Variants in CPQ observed in about 807,000 individuals in gnomAD.
CPQ encodes Ser-Met dipeptidase.
CPQ carries 37 observed loss-of-function variants against 45.7 expected under a neutral mutation model. That is an observed-to-expected ratio of 0.81 (90% CI 0.62 to 1.07). CPQ has a LOEUF of 1.07. CPQ is among the 50% of genes least tolerant of loss of function. The pLI, the probability that CPQ is intolerant of heterozygous loss-of-function variation, is 0.00. For synonymous variants in CPQ, 186 were observed against 205.8 expected (o/e 0.90, Z 0.82); for missense variants, 537 against 572.9 (o/e 0.94, Z 0.64).
intron 2 of CPQ, among the ~76,000 whole-genome samples, chr8:96,824,581 G>A (rs1811353120): frequency 6.6e-6 from 1 of 151,966 alleles, no homozygotes; most frequent in Admixed American, 6.6e-5. Flanking sequence ...TGACAAAATT[G>A]TATAGATAGA....
intron 1 of CPQ, among the ~76,000 whole-genome samples, chr8:96,782,202 C>T (rs1586398390): frequency 1.3e-5 from 2 of 152,220 alleles, no homozygotes; most frequent in South Asian, 2.1e-4. Flanking sequence ...CCTGGATCCC[C>T]AGGCTGTCTG....
At chr8:96,764,989 C>T (rs1489492789) in intron 1 of CPQ, among the ~76,000 whole-genome samples, 2 of 152,198 alleles carry the variant, frequency 1.3e-5, no homozygotes, top group African/African-American at 2.4e-5. Flanking sequence ...GTAAAACCAG[C>T]CTTTGCACCT....
chr8:97,004,114 T>C (rs1809335163), intron 5 of CPQ, among the ~76,000 whole-genome samples: 1 of 152,104 alleles, frequency 6.6e-6, no homozygotes, highest in South Asian at 2.1e-4. Flanking sequence ...AATGTGTAGA[T>C]AGAAAAATCA....
intron 3 of CPQ, among the ~76,000 whole-genome samples, chr8:96,870,608 G>C (rs553666507): frequency 6.6e-6 from 1 of 152,050 alleles, no homozygotes; most frequent in East Asian, 1.9e-4. Flanking sequence ...TAGCCTCTCT[G>C]TTTCAATTTT....
intron 1 of CPQ, among the ~76,000 whole-genome samples, chr8:96,684,487 C>T (rs115672661): frequency 0.024 from 3,680 of 152,116 alleles, 160 homozygotes; most frequent in African/African-American, 0.084. Context: ...GTGGCAGGTA[C>T]GGTTAGGACT....
intron 1 of CPQ, among the ~76,000 whole-genome samples, chr8:96,774,289 T>G (rs1386407108): frequency 6.6e-6 from 1 of 151,774 alleles, no homozygotes; most frequent in African/African-American, 2.4e-5. Context: ...AAAAAAAGTT[T>G]CAACATGAAT....
rs111300610 is a variant in CPQ, at chr8:96,793,881, C to T, written c.433+8551C>T. Among the ~76,000 whole-genome samples, 710 of 152,350 alleles carry T rather than the reference C, an allele frequency of 4.7e-3. 5 individuals are homozygous for T. Among genetic ancestry groups the T allele is most frequent in the African/African-American group, 0.016 (655 of 41,582 alleles). On this transcript the variant is annotated intron_variant, in intron 2 of 7. Transcript: ENST00000220763. ...CCAGCAGGGCAGCCAAATCTTAAAG[C>T]TTCAAAATGATCTCCTTTAACTCCA...
chr8:97,070,562 A>C (rs1563572277), intron 7 of CPQ, among the ~76,000 whole-genome samples: 1 of 152,292 alleles, frequency 6.6e-6, no homozygotes, highest in South Asian at 2.1e-4. Context: ...GAAGAAAATA[A>C]AGGATACTAA....
intron 7 of CPQ, among the ~76,000 whole-genome samples, chr8:97,072,216 G>C (rs2130538922): frequency 6.6e-6 from 1 of 152,244 alleles, no homozygotes; most frequent in Non-Finnish European, 1.5e-5. Flanking sequence ...AACTTCTTGA[G>C]AAGCTGTTTG....
intron 2 of CPQ, among the ~76,000 whole-genome samples, chr8:96,821,705 C>T (rs891758129): frequency 1.3e-5 from 2 of 151,836 alleles, no homozygotes; most frequent in African/African-American, 4.8e-5. Context: ...AGACACTGTT[C>T]TTTCATTGAC....
intron 2 of CPQ, among the ~76,000 whole-genome samples, chr8:96,804,057 A>T (rs1351901077): frequency 6.6e-6 from 1 of 152,168 alleles, no homozygotes; most frequent in Non-Finnish European, 1.5e-5. Context: ...CTTCAAAGAG[A>T]TGTGACATTG....
At chr8:96,934,477 G>A (rs1201614586) in intron 4 of CPQ, among the ~76,000 whole-genome samples, 1 of 152,112 alleles carries the variant, frequency 6.6e-6, no homozygotes, top group Non-Finnish European at 1.5e-5. Context: ...TCACCTCTGG[G>A]GCAGCCTTAC....
chr8:96,731,733 G>C (rs1375807718), intron 1 of CPQ, among the ~76,000 whole-genome samples: 2 of 152,164 alleles, frequency 1.3e-5, no homozygotes, highest in African/African-American at 4.8e-5. Context: ...GTTGAGGTGG[G>C]AAGGAGTTCT....
chr8:97,079,620 G>C (rs555090876), intron 7 of CPQ, among the ~76,000 whole-genome samples: 1 of 152,120 alleles, frequency 6.6e-6, no homozygotes, highest in Non-Finnish European at 1.5e-5. Flanking sequence ...TGCAGTCCCT[G>C]TCCTTAAGGA....
chr8:96,764,112 C>G (rs991882525), intron 1 of CPQ, among the ~76,000 whole-genome samples: 2 of 152,108 alleles, frequency 1.3e-5, no homozygotes, highest in Admixed American at 1.3e-4. Context: ...CTTGTTATAG[C>G]CCCAAACTGG....
chr8:97,049,488 C>A (rs1209166057), intron 6 of CPQ, among the ~76,000 whole-genome samples: 4 of 152,106 alleles, frequency 2.6e-5, no homozygotes, highest in South Asian at 2.1e-4. Context: ...ATTAACAGCT[C>A]CCCAGTTAGA....
chr8:96,704,882 A>G (rs1478611744), intron 1 of CPQ, among the ~76,000 whole-genome samples: 1 of 152,186 alleles, frequency 6.6e-6, no homozygotes, highest in Admixed American at 6.6e-5. Context: ...TGGAGGTATT[A>G]AGTAGACAAT....
intron 4 of CPQ, among the ~76,000 whole-genome samples, chr8:96,912,348 C>G (rs1332115716): frequency 6.6e-6 from 1 of 152,098 alleles, no homozygotes; most frequent in Admixed American, 6.5e-5. Flanking sequence ...GAAAGCCATT[C>G]TTTCTATTGT....
intron 1 of CPQ, among the ~76,000 whole-genome samples, chr8:96,744,866 A>T (rs964127703): frequency 2.0e-5 from 3 of 152,172 alleles, no homozygotes; most frequent in African/African-American, 7.2e-5. Flanking sequence ...AATGGTTTGG[A>T]CTGAAGTGTT....
Sources: gnomAD v4.1 joint callset for allele counts (sites outside exome capture counted in the v4.1 genomes callset) on GRCh38, gnomAD v4.1.1 for gene constraint, MANE v1.5 for transcripts, NCBI Gene and HGNC (gene_info 2026-07-23, HGNC 2026-07-21) for gene names.